GPR19: variants seen among roughly 807,000 people sequenced by gnomAD.
The protein encoded by GPR19 is probable G protein-coupled receptor 19.
GPR19 carries 14 observed loss-of-function variants against 28.5 expected under a neutral mutation model. The ratio of observed to expected loss-of-function variants is 0.49; its 90% confidence interval spans 0.32 to 0.77. GPR19 has a LOEUF of 0.77. Ranked by LOEUF, GPR19 falls within the 30% of genes least tolerant of loss-of-function variation. The pLI is 0.03. For missense variants in GPR19, 409 were observed against 504.1 expected (o/e 0.81, Z 1.81); for synonymous variants, 173 against 184.1 (o/e 0.94, Z 0.49).
rs141083072 is a variant in GPR19 at position 12,687,742 on chromosome 12, T to C, written c.-179-3235A>G. 1.7e-3 allele frequency among the ~76,000 whole-genome samples: 260 copies of C among 152,294 alleles called. 4 individuals are homozygous for C. Among genetic ancestry groups the C allele is most frequent in the East Asian group, 0.014 (70 of 5,180 alleles). The stretch of plus-strand genomic sequence containing the variant: ...GCTTTCCAAGTGCTTTCAACAAAAT[T>C]GGAAACAAACCACTACCCAGTGGTC... On this transcript the variant is annotated intron_variant, in intron 2 of 3. Coordinates refer to ENST00000651487, the MANE Select transcript of GPR19 (RefSeq NM_006143.3).
intron 2 of GPR19, among the ~76,000 whole-genome samples, chr12:12,692,491 C>T (rs1397507390): frequency 6.6e-6 from 1 of 152,030 alleles, no homozygotes; most frequent in East Asian, 1.9e-4. Context: ...CTTTGGTCTC[C>T]CAAAGTGCTA....
chr12:12,667,777 C>T (rs1945804225), intron 3 of GPR19, among the ~76,000 whole-genome samples: 2 of 151,278 alleles, frequency 1.3e-5, no homozygotes, highest in African/African-American at 4.9e-5. Context: ...AGAATGTACC[C>T]TATCACTTTG....
chr12:12,678,993 C>T (rs989907858), intron 3 of GPR19, among the ~76,000 whole-genome samples: 3 of 152,102 alleles, frequency 2.0e-5, no homozygotes, highest in East Asian at 1.9e-4. Context: ...GATGGGGTTT[C>T]GCCATGTTGC....
At chr12:12,704,557 G>C in the GPR19 span, among the ~76,000 whole-genome samples, 4 of 152,188 alleles carry the variant, frequency 2.6e-5, no homozygotes, top group Admixed American at 2.6e-4. Context: ...TCAGATTATT[G>C]TGTGAGTAGT....
intron 3 of GPR19, among the ~76,000 whole-genome samples, chr12:12,667,697 A>G (rs1472620633): frequency 2.0e-5 from 1 of 49,770 alleles, no homozygotes; most frequent in Non-Finnish European, 4.5e-5. Context: ...TCTCAATTAG[A>G]AAAAAAAAAA....
At position 12,689,745 on chromosome 12, in the gene GPR19, G is replaced by C. The variant is rs1447562521; in HGVS notation, c.-179-5238C>G. Among the ~76,000 whole-genome samples the C allele has an allele frequency of 2.0e-5, 3 of 152,186 alleles. No homozygotes were observed. The South Asian group carries it at 6.2e-4, about 31-fold the overall frequency. ...TCCCCCTGAATGTGGGCTAGACTTA[G>C]TTACTTCTTTCTAATAAATAGAATG... On this transcript the variant is annotated intron_variant, in intron 2 of 3. Coordinates refer to ENST00000651487, the MANE Select transcript of GPR19 (RefSeq NM_006143.3).
chr12:12,672,117 T>C (rs1332077000), intron 3 of GPR19, among the ~76,000 whole-genome samples: 1 of 152,206 alleles, frequency 6.6e-6, no homozygotes. Flanking sequence ...CACTGGTAGC[T>C]ACCCTACCCA....
At chr12:12,716,173 T>G in the GPR19 span, among the ~76,000 whole-genome samples, 6 of 152,164 alleles carry the variant, frequency 3.9e-5, no homozygotes, top group African/African-American at 1.4e-4. Context: ...AATTTCCAGC[T>G]GCAAAAGGGA....
At chr12:12,694,169 G>C (rs1946227063) in intron 2 of GPR19, among the ~76,000 whole-genome samples, 1 of 148,988 alleles carries the variant, frequency 6.7e-6, no homozygotes, top group Admixed American at 6.8e-5. Flanking sequence ...CTAATGTGTG[G>C]GCATGGTAGA....
Position 12,661,801 on chromosome 12 carries a change from G to T in GPR19, c.648C>A (p.Ser216=). ...WDSHCNYFLP[S]SWEGTAYTVI... ...CAGTGTAGGCAGTGCCTTCCCAAGA[G>T]GAGGGGAGGAAATAGTTACAATGAC... is the stretch of plus-strand genomic sequence containing the variant. Residue 216 remains serine, a synonymous_variant, in exon 4 of 4, where the codon TCC becomes TCA. Coordinates refer to ENST00000651487, the MANE Select transcript of GPR19 (RefSeq NM_006143.3). The surrounding 1 kb of genome is among the most constrained non-coding windows in gnomAD (Gnocchi z 4.2). The T allele has an allele frequency of 6.2e-7, 1 of 1,613,990 alleles. No individual in the cohort carries two copies. The highest frequency in any genetic ancestry group is 8.5e-7 in the Non-Finnish European group (1 of 1,179,966).
intron 3 of GPR19, among the ~76,000 whole-genome samples, chr12:12,664,934 AAAAAAAAAAAAAG>A (rs1198633489): frequency 6.8e-6 from 1 of 147,674 alleles, no homozygotes; most frequent in Admixed American, 6.8e-5. Flanking sequence ...AAAAAAAAAA[AAAAAAAAAAAAAG>A]AAATCAGGAC....
At chr12:12,679,581 G>A (rs1357738738) in intron 3 of GPR19, among the ~76,000 whole-genome samples, 2 of 151,434 alleles carry the variant, frequency 1.3e-5, no homozygotes, top group Non-Finnish European at 2.9e-5. Context: ...TTGAACCTAG[G>A]AGTTTCAGGC....
the GPR19 span, chr12:12,716,988 C>G: frequency 1.0e-6 from 1 of 994,328 alleles, no homozygotes; most frequent in Non-Finnish European, 1.2e-6. Context: ...TGGTCCAGGT[C>G]CCGGCTTCCC....
rs770206130 is a variant in GPR19, at chr12:12,662,313, C to T, written c.136G>A (p.Glu46Lys). 7.4e-6 allele frequency: 12 copies of T among 1,614,214 alleles called. No individual in the cohort carries two copies. In the South Asian group the frequency reaches 1.2e-4, roughly 16 times the overall value. Reference sequence around the variant, plus strand: ...GTTTGGTTGCTCATCCAACTGTGCTCCTCACTTAATTCCATCAGGTATTGG... The same window carrying T: ...GTTTGGTTGCTCATCCAACTGTGCTTCTCACTTAATTCCATCAGGTATTGG... ...PSQYLMELSE[E>K]HSWMSNQTDL... Residue 46 changes from glutamate (E) to lysine (K), a missense_variant, in exon 4 of 4, where the codon GAG becomes AAG. Glu to Lys is a moderately conservative substitution (Grantham distance 56). Transcript: ENST00000651487.
chr12:12,699,088 A>G (rs2136342091), upstream of GPR19, among the ~76,000 whole-genome samples: 1 of 152,138 alleles, frequency 6.6e-6, no homozygotes, highest in South Asian at 2.1e-4. Context: ...CACGCCTGTA[A>G]TCTCAGCACT....
chr12:12,703,329 C>A, the GPR19 span: 52 of 953,150 alleles, frequency 5.5e-5, no homozygotes, highest in Non-Finnish European at 5.9e-5. Flanking sequence ...GATTGTGAGA[C>A]ACAGTCTCAC....
chr12:12,705,702 C>T, the GPR19 span, among the ~76,000 whole-genome samples: 14 of 152,140 alleles, frequency 9.2e-5, no homozygotes, highest in South Asian at 2.9e-3. Flanking sequence ...CATACACCAC[C>T]ACACACCCAG....
At chr12:12,689,341 G>C (rs982017004) in intron 2 of GPR19, among the ~76,000 whole-genome samples, 5 of 152,148 alleles carry the variant, frequency 3.3e-5, no homozygotes, top group African/African-American at 1.2e-4. Context: ...CTGGAAACTT[G>C]AAAGTACCTC....
At chr12:12,679,912 A>G (rs773232907) in intron 3 of GPR19, among the ~76,000 whole-genome samples, 92 of 152,326 alleles carry the variant, frequency 6.0e-4, no homozygotes, top group Non-Finnish European at 1.1e-3. Flanking sequence ...TTGATTTTCT[A>G]TGATAATAAA....
Sources: gnomAD v4.1 joint callset for allele counts (sites outside exome capture counted in the v4.1 genomes callset) on GRCh38, gnomAD v4.1.1 for gene constraint, Gnocchi (gnomAD v3.1) non-coding constraint, MANE v1.5 for transcripts, NCBI Gene and HGNC (gene_info 2026-07-23, HGNC 2026-07-21) for gene names.